The following ACSL4 variants were observed in gnomAD, a reference collection of about 807,000 sequenced individuals.
ACSL4 encodes acyl-CoA synthetase long chain family member 4, also known as long-chain-fatty-acid--CoA ligase 4.
ACSL4 carries 9 observed loss-of-function variants against 49.1 expected under a neutral mutation model. The ratio of observed to expected loss-of-function variants is 0.18; its 90% CI spans 0.11 to 0.32. The LOEUF (loss-of-function observed/expected upper bound fraction) is 0.32, where lower values mean the gene tolerates loss of function less well. ACSL4 is among the 10% of genes least tolerant of loss of function. The pLI is 1.00. For missense variants in ACSL4, 333 were observed against 493.7 expected (o/e 0.67, Z 3.08); for synonymous variants, 191 against 170.3 (o/e 1.12, Z -0.95).
intron 1 of ACSL4, among the ~76,000 whole-genome samples, chrX:109,715,646 TAG>T (rs941246872): frequency 9.2e-6 from 1 of 108,876 alleles, no homozygotes; most frequent in Non-Finnish European, 1.9e-5. Flanking sequence ...TATATATATA[TAG>T]AGAGAGATCA....
intron 15 of ACSL4, among the ~76,000 whole-genome samples, chrX:109,658,583 C>T (rs983922214): frequency 1.8e-5 from 2 of 112,085 alleles, no homozygotes; most frequent in South Asian, 3.7e-4. Context: ...TGCACTGTAC[C>T]GGTAACACCA....
chrX:109,695,591 G>T (rs1157248637), intron 2 of ACSL4: 1 of 110,231 alleles, frequency 9.1e-6, no homozygotes, highest in Non-Finnish European at 1.9e-5. Context: ...GGTGGCACGT[G>T]CCTGTAATCC....
At chrX:109,714,254 A>C (rs752925352) in intron 1 of ACSL4, among the ~76,000 whole-genome samples, 1 of 112,580 alleles carries the variant, frequency 8.9e-6, no homozygotes, top group Non-Finnish European at 1.9e-5. Flanking sequence ...AAAAATATAA[A>C]AAAGCTTTTA....
At chrX:109,651,095 A>G (rs73534458) in intron 15 of ACSL4, among the ~76,000 whole-genome samples, 2,570 of 112,226 alleles carry the variant, frequency 0.023, 88 homozygotes, top group African/African-American at 0.078. Flanking sequence ...TTAATACAGT[A>G]TTAATACTTT....
intron 2 of ACSL4, among the ~76,000 whole-genome samples, chrX:109,695,471 C>A (rs1458687433): frequency 9.1e-6 from 1 of 110,274 alleles, no homozygotes; most frequent in Non-Finnish European, 1.9e-5. Flanking sequence ...TAATCCAGCA[C>A]TTTGGAAGGC....
intron 15 of ACSL4, among the ~76,000 whole-genome samples, chrX:109,656,181 T>C (rs1265854693): frequency 9.0e-6 from 1 of 111,071 alleles, no homozygotes; most frequent in Non-Finnish European, 1.9e-5. Context: ...AAGAAGTATG[T>C]CTCCGAGAAC....
chrX:109,674,987 A>G (rs1923563725), intron 8 of ACSL4, among the ~76,000 whole-genome samples: 1 of 112,604 alleles, frequency 8.9e-6, no homozygotes, highest in Non-Finnish European at 1.9e-5. Flanking sequence ...AAGTAGAGAT[A>G]CACATAAATG....
intron 5 of ACSL4, 22 bp downstream of exon 5, chrX:109,681,244 T>G (rs1423904059): frequency 8.3e-7 from 1 of 1,200,152 alleles, no homozygotes; most frequent in Non-Finnish European, 1.1e-6. Context: ...AACCATGAAT[T>G]AAAAGAAAAT....
At chrX:109,645,399 C>A (rs1431023315) in intron 15 of ACSL4, among the ~76,000 whole-genome samples, 1 of 111,971 alleles carries the variant, frequency 8.9e-6, no homozygotes, top group Non-Finnish European at 1.9e-5. Flanking sequence ...GAGGCACCCC[C>A]CAGCAGGGGC....
rs1217401904 is a variant in ACSL4 at position 109,682,872 on chromosome X, T to C, written c.253A>G (p.Met85Val). 5.8e-6 allele frequency: 7 copies of C among 1,210,939 alleles called. No individual in the cohort carries two copies. Among genetic ancestry groups the C allele is most frequent in the Admixed American group, 2.2e-5 (1 of 46,042 alleles). ...CTGCGATTCACTTCAAGATAGTTCA[T>C]CCATTTATAATTCCCAAGAATTAAC... The part of the protein sequence containing the change: ...KKLILGNYKW[M>V]NYLEVNRRVN... The change falls in exon 4 of 16, where the codon ATG becomes GTG. Residue 85 changes from methionine to valine, a missense_variant. By Grantham distance (21) the Met-to-Val change is conservative. Transcript: ENST00000672401.
intron 15 of ACSL4, among the ~76,000 whole-genome samples, chrX:109,648,074 C>T (rs1455670190): frequency 2.7e-5 from 3 of 111,904 alleles, no homozygotes; most frequent in African/African-American, 6.5e-5. Flanking sequence ...GATGGATTCA[C>T]AGCCAAATTC....
chrX:109,668,379 A>C, intron 10 of ACSL4, 106 bp from the exon 11 acceptor site: 24 of 682,514 alleles, frequency 3.5e-5, no homozygotes, highest in Non-Finnish European at 4.7e-5. Context: ...TGAACATCTC[A>C]ATGTCAGAAT....
At chrX:109,670,368 C>T (rs1316466523) in intron 9 of ACSL4, among the ~76,000 whole-genome samples, 10 of 109,910 alleles carry the variant, frequency 9.1e-5, no homozygotes, top group Non-Finnish European at 1.7e-4. Context: ...GGGTGGATTG[C>T]GAGGTCAGGA....
At chrX:109,690,759 G>A (rs1024269105) in intron 2 of ACSL4, among the ~76,000 whole-genome samples, 3 of 80,464 alleles carry the variant, frequency 3.7e-5, no homozygotes, top group South Asian at 7.1e-4. Flanking sequence ...AGACATTTTA[G>A]GGGGGGGGGG....
In ACSL4 at chrX:109,678,368, T is replaced by C; in HGVS notation, c.703A>G (p.Met235Val). ...RPTPSDMAIV[M>V]YTSGSTGRPK... ...CGGCCAGTAGAACCACTAGTATACA[T>C]AACAATGGCCATGTCTGAAGGCGTT... Residue 235 changes from methionine to valine, a missense_variant, in exon 7 of 16, where the codon ATG becomes GTG. Around this residue, in one of 3 missense-constraint regions of ACSL4, gnomAD observed 157 missense variants for 201.1 expected, o/e 0.78. Transcript: ENST00000672401. The C allele has an allele frequency of 4.1e-6, 5 of 1,211,891 alleles. No individual in the cohort carries two copies. Among genetic ancestry groups the C allele is most frequent in the Non-Finnish European group, 5.6e-6 (5 of 895,454 alleles).
chrX:109,723,025 A>T (rs1412561427), intron 1 of ACSL4, among the ~76,000 whole-genome samples: 3 of 111,777 alleles, frequency 2.7e-5, no homozygotes, highest in African/African-American at 9.8e-5. Context: ...TTTTATACTT[A>T]TATTTTTGGT....
chrX:109,714,980 C>G, intron 1 of ACSL4, among the ~76,000 whole-genome samples: 1 of 112,042 alleles, frequency 8.9e-6, no homozygotes, highest in Non-Finnish European at 1.9e-5. Context: ...TGCAGTGGCT[C>G]ATGCCTCTAA....
chrX:109,669,900 T>C (rs1479951172), intron 9 of ACSL4, among the ~76,000 whole-genome samples: 1 of 112,429 alleles, frequency 8.9e-6, no homozygotes, highest in Non-Finnish European at 1.9e-5. Flanking sequence ...AAAGCATTAG[T>C]TTCTTAAAAT....
chrX:109,703,099 G>A (rs1926089278), intron 1 of ACSL4, among the ~76,000 whole-genome samples: 1 of 111,971 alleles, frequency 8.9e-6, no homozygotes, highest in African/African-American at 3.3e-5. Context: ...AATAAAAAGT[G>A]TGTGGATATT....
Sources: allele counts gnomAD v4.1 joint callset (sites outside exome capture counted in the v4.1 genomes callset), GRCh38; gene constraint gnomAD v4.1.1; regional missense constraint gnomAD v4.1.1; transcripts MANE v1.5; gene names NCBI Gene and HGNC (gene_info 2026-07-23, HGNC 2026-07-21).